Variants in RYR2 observed in about 807,000 individuals in gnomAD.
RYR2 encodes ryanodine receptor 2.
RYR2 carries 227 observed loss-of-function variants against 601.1 expected under a neutral mutation model. The observed-to-expected ratio is 0.38, with a 90% CI of 0.34 to 0.42. The LOEUF (loss-of-function observed/expected upper bound fraction) is 0.42, where lower values mean the gene tolerates loss of function less well. RYR2 is among the 10% of genes least tolerant of loss of function. The pLI, the probability that RYR2 is intolerant of heterozygous loss-of-function variation, is 1.00. For synonymous variants in RYR2, 2,223 were observed against 2,175.1 expected, an observed-to-expected ratio of 1.02 and a Z score of -0.61; for missense variants, 4,646 against 6,156.5, an observed-to-expected ratio of 0.75 and a Z score of 8.21.
chr1:237,356,403 A>G (rs1010201041), intron 4 of RYR2, among the ~76,000 whole-genome samples: 4 of 151,312 alleles, frequency 2.6e-5, no homozygotes, highest in Non-Finnish European at 5.9e-5. Context: ...AGACAATTAT[A>G]TATATAGTCA....
intron 57 of RYR2, 79 bp from the exon 58 acceptor site, chr1:237,667,804 G>C: frequency 9.6e-7 from 1 of 1,037,736 alleles, no homozygotes; most frequent in Non-Finnish European, 1.4e-6. Context: ...ATTCCTTTAC[G>C]GTATCTAATA....
intron 15 of RYR2, among the ~76,000 whole-genome samples, chr1:237,455,236 G>C (rs181867014): frequency 1.3e-5 from 2 of 152,202 alleles, no homozygotes; most frequent in East Asian, 3.9e-4. Flanking sequence ...TGGAGACTAC[G>C]AGGGTTGATG....
chr1:237,767,913 T>C (rs909036383), intron 84 of RYR2, among the ~76,000 whole-genome samples: 1 of 152,178 alleles, frequency 6.6e-6, no homozygotes, highest in Non-Finnish European at 1.5e-5. Flanking sequence ...GTATAGATTA[T>C]AGGGGATCCT....
At chr1:237,100,350 CTCT>C (rs1213063723) in intron 1 of RYR2, among the ~76,000 whole-genome samples, 2 of 151,828 alleles carry the variant, frequency 1.3e-5, no homozygotes, top group Non-Finnish European at 1.5e-5. Flanking sequence ...TCTCTCTTCT[CTCT>C]TCTTCTTCCT....
chr1:237,045,004 G>A (rs1281851171), intron 1 of RYR2, among the ~76,000 whole-genome samples: 1 of 146,732 alleles, frequency 6.8e-6, no homozygotes, highest in Non-Finnish European at 1.5e-5. Flanking sequence ...TTAGGAATCT[G>A]TACATCTTGA....
chr1:237,410,039 G>C (rs1272438554), intron 10 of RYR2, among the ~76,000 whole-genome samples: 1 of 152,066 alleles, frequency 6.6e-6, no homozygotes, highest in Non-Finnish European at 1.5e-5. Flanking sequence ...GAATAGTTCT[G>C]TATCATTTCC....
chr1:237,295,498 C>T (rs1415799899), intron 2 of RYR2, among the ~76,000 whole-genome samples: 2 of 151,914 alleles, frequency 1.3e-5, no homozygotes, highest in African/African-American at 4.8e-5. Context: ...ATATGTTACT[C>T]AAGACAACTT....
intron 35 of RYR2, among the ~76,000 whole-genome samples, chr1:237,604,404 C>T (rs1165945163): frequency 2.0e-5 from 3 of 152,144 alleles, no homozygotes; most frequent in Non-Finnish European, 4.4e-5. Context: ...ACCAGAATCT[C>T]TGGGACACAT....
At chr1:237,631,362 G>T in intron 41 of RYR2, 65 bp from the exon 42 acceptor site, 1 of 951,386 alleles carries the variant, frequency 1.1e-6, no homozygotes, top group African/African-American at 1.7e-5. Flanking sequence ...AGATTTATGA[G>T]GAACTTGGTT....
intron 1 of RYR2, among the ~76,000 whole-genome samples, chr1:237,116,714 G>T (rs1237724029): frequency 6.6e-6 from 1 of 152,088 alleles, no homozygotes; most frequent in African/African-American, 2.4e-5. Context: ...CTGAGAACCA[G>T]GGGAGCTGAT....
intron 96 of RYR2, among the ~76,000 whole-genome samples, chr1:237,795,612 G>T (rs950442229): frequency 9.7e-5 from 10 of 102,632 alleles, no homozygotes; most frequent in African/African-American, 3.3e-4. Context: ...CACCACACCC[G>T]GCTAATTTTT....
intron 29 of RYR2, among the ~76,000 whole-genome samples, chr1:237,576,854 C>T (rs1194460758): frequency 3.9e-5 from 6 of 152,118 alleles, no homozygotes; most frequent in South Asian, 4.2e-4. Flanking sequence ...GGACAATAAA[C>T]GTGTGAAGAG....
At chr1:237,735,574 A>C (rs1691068741) in intron 79 of RYR2, among the ~76,000 whole-genome samples, 1 of 152,152 alleles carries the variant, frequency 6.6e-6, no homozygotes, top group African/African-American at 2.4e-5. Flanking sequence ...TTTAAACTCT[A>C]ACCTACAGCA....
intron 80 of RYR2, among the ~76,000 whole-genome samples, chr1:237,743,160 A>C (rs1691764619): frequency 6.6e-6 from 1 of 152,022 alleles, no homozygotes; most frequent in African/African-American, 2.4e-5. Context: ...ACATGTCTGG[A>C]CTTTGAGCTA....
intron 16 of RYR2, among the ~76,000 whole-genome samples, chr1:237,468,109 C>A (rs564742392): frequency 6.4e-4 from 98 of 152,190 alleles, no homozygotes; most frequent in African/African-American, 2.3e-3. Flanking sequence ...CCGCCCACCT[C>A]AGCCTCCCAA....
intron 6 of RYR2, among the ~76,000 whole-genome samples, chr1:237,373,323 A>G (rs1700786496): frequency 6.6e-6 from 1 of 152,166 alleles, no homozygotes; most frequent in Non-Finnish European, 1.5e-5. Flanking sequence ...CTGCAGGTCA[A>G]TTTGATTTCA....
chr1:237,493,613 T>C (rs577897336), intron 19 of RYR2, among the ~76,000 whole-genome samples: 440 of 152,114 alleles, frequency 2.9e-3, no homozygotes, highest in African/African-American at 9.0e-3. Context: ...CCACCACGCC[T>C]GGCTAATTTT....
At chr1:237,465,711 T>G (rs1416140981) in intron 16 of RYR2, among the ~76,000 whole-genome samples, 2 of 150,674 alleles carry the variant, frequency 1.3e-5, no homozygotes, top group African/African-American at 2.4e-5. Flanking sequence ...CTACTGCGCG[T>G]CTACGCTATA....
intron 101 of RYR2, among the ~76,000 whole-genome samples, chr1:237,821,885 G>A (rs569914495): frequency 6.6e-6 from 1 of 151,728 alleles, no homozygotes; most frequent in African/African-American, 2.4e-5. Context: ...GCATATATAA[G>A]TAGCAATAGC....
Sources: allele counts gnomAD v4.1 joint callset (sites outside exome capture counted in the v4.1 genomes callset), GRCh38; gene constraint gnomAD v4.1.1; transcripts MANE v1.5; gene names NCBI Gene and HGNC (gene_info 2026-07-23, HGNC 2026-07-21).